Variants in WIPF1 observed in about 807,000 individuals in gnomAD.
WIPF1 encodes WAS/WASL interacting protein family member 1.
A neutral mutation model predicts 35.4 loss-of-function variants in WIPF1; 13 were observed. That is an observed-to-expected ratio of 0.37 (90% CI 0.24 to 0.58). The LOEUF (loss-of-function observed/expected upper bound fraction) is 0.58. Ranked by LOEUF, WIPF1 falls within the 20% of genes least tolerant of loss-of-function variation. The pLI is 0.74. For missense variants in WIPF1, 591 were observed against 667.0 expected (o/e 0.89, Z 1.25); for synonymous variants, 267 against 266.3 (o/e 1.00, Z -0.02).
At chr2:174,607,482 C>T (rs1686207268) in intron 1 of WIPF1, among the ~76,000 whole-genome samples, 1 of 152,166 alleles carries the variant, frequency 6.6e-6, no homozygotes, top group Admixed American at 6.5e-5. Context: ...AAATGAACTT[C>T]AAGGGACACA....
chr2:174,677,101 C>T (rs891261124), intron 1 of WIPF1: 3 of 151,802 alleles, frequency 2.0e-5, no homozygotes, highest in African/African-American at 7.3e-5. Context: ...CTGCAGCGAA[C>T]TGATGGCACC....
At chr2:174,610,214 T>A (rs1451676277) in intron 1 of WIPF1, among the ~76,000 whole-genome samples, 2 of 152,204 alleles carry the variant, frequency 1.3e-5, no homozygotes, top group African/African-American at 4.8e-5. Context: ...TAACTCCAAA[T>A]ACGTATGCAG....
intron 1 of WIPF1, among the ~76,000 whole-genome samples, chr2:174,626,826 C>T (rs1483378166): frequency 6.6e-6 from 1 of 152,206 alleles, no homozygotes; most frequent in African/African-American, 2.4e-5. Context: ...TTCTCTTCCA[C>T]TCTTGTGCTC....
At chr2:174,575,559 G>T in intron 3 of WIPF1, 179 bp from the exon 4 acceptor site, 1 of 1,080,218 alleles carries the variant, frequency 9.3e-7, no homozygotes, top group Non-Finnish European at 1.3e-6. Context: ...CCCGCTCCAG[G>T]CAGTCCCAAG....
chr2:174,575,787 A>G (rs1194785906), intron 3 of WIPF1, among the ~76,000 whole-genome samples: 1 of 151,664 alleles, frequency 6.6e-6, no homozygotes, highest in Non-Finnish European at 1.5e-5. Flanking sequence ...GACTGCAGGG[A>G]GCCAAGACTG....
intron 1 of WIPF1, among the ~76,000 whole-genome samples, chr2:174,637,885 T>C (rs917511907): frequency 6.6e-6 from 1 of 152,262 alleles, no homozygotes; most frequent in African/African-American, 2.4e-5. Context: ...GTACTGTTTT[T>C]TCCCCTACAT....
intron 1 of WIPF1, among the ~76,000 whole-genome samples, chr2:174,593,170 C>T (rs1040517111): frequency 1.3e-4 from 19 of 151,796 alleles, no homozygotes; most frequent in African/African-American, 4.6e-4. Context: ...CCAGAGGTAA[C>T]TCTTTGTTAT....
At chr2:174,628,330 A>G (rs575437834) in intron 1 of WIPF1, among the ~76,000 whole-genome samples, 1 of 152,244 alleles carries the variant, frequency 6.6e-6, no homozygotes, top group Admixed American at 6.5e-5. Context: ...GAGCCCTGAT[A>G]ATGCATCACA....
chr2:174,649,653 C>G (rs1687490964), intron 1 of WIPF1, among the ~76,000 whole-genome samples: 1 of 152,128 alleles, frequency 6.6e-6, no homozygotes, highest in African/African-American at 2.4e-5. Flanking sequence ...GGTGTCTTTC[C>G]CATGTGGCCC....
intron 1 of WIPF1, among the ~76,000 whole-genome samples, chr2:174,658,278 T>C (rs1687688716): frequency 6.6e-6 from 1 of 152,190 alleles, no homozygotes; most frequent in Non-Finnish European, 1.5e-5. Flanking sequence ...AGACCTATGC[T>C]TTGTCTGTAG....
At chr2:174,670,787 C>T (rs983336715) in intron 1 of WIPF1, among the ~76,000 whole-genome samples, 19 of 152,188 alleles carry the variant, frequency 1.2e-4, no homozygotes, top group African/African-American at 3.9e-4. Flanking sequence ...GGCAATGCCC[C>T]GCATTAAGTA....
chr2:174,572,375 G>T lies in WIPF1; in HGVS notation c.430C>A (p.Pro144Thr), dbSNP rs144275492. Reference sequence around the variant, plus strand: ...ACAGGAAACCTCCCTGGGCCACTTGGGGGTGAAAAGGGTTTCGCAGATGTG... The same window carrying T: ...ACAGGAAACCTCCCTGGGCCACTTGTGGGTGAAAAGGGTTTCGCAGATGTG... The part of the protein sequence containing the change: ...RSTSAKPFSP[P>T]SGPGRFPVPS... The change falls in exon 5 of 8, where the codon CCA (proline) becomes ACA (threonine). Residue 144 changes from proline to threonine, a missense_variant. By Grantham distance (38) the Pro-to-Thr change is conservative. Transcript: ENST00000679041. 17 of 1,614,042 alleles carry T rather than the reference G, an allele frequency of 1.1e-5. No homozygotes were observed. The highest frequency in any genetic ancestry group is 3.3e-5 in the Admixed American group (2 of 60,000).
At chr2:174,624,273 A>G (rs1304109462) in intron 1 of WIPF1, among the ~76,000 whole-genome samples, 1 of 152,234 alleles carries the variant, frequency 6.6e-6, no homozygotes, top group African/African-American at 2.4e-5. Context: ...GCAGAAAGTG[A>G]GTGGAGGAGA....
At chr2:174,566,716 C>T in intron 7 of WIPF1, 1 of 186,702 alleles carries the variant, frequency 5.4e-6, no homozygotes, top group South Asian at 1.5e-4. Flanking sequence ...TATAATTAAT[C>T]AGACATTATG....
At chr2:174,673,056 T>G (rs1688054103) in intron 1 of WIPF1, among the ~76,000 whole-genome samples, 1 of 152,256 alleles carries the variant, frequency 6.6e-6, no homozygotes, top group East Asian at 1.9e-4. Flanking sequence ...CATCAGCATA[T>G]GGGGGCCTCA....
chr2:174,580,792 T>C (rs1456490663), intron 3 of WIPF1, among the ~76,000 whole-genome samples: 2 of 152,254 alleles, frequency 1.3e-5, no homozygotes, highest in African/African-American at 4.8e-5. Context: ...AATTGTATCT[T>C]ACACTTGAAT....
Position 174,561,791 on chromosome 2 carries a change from C to A in WIPF1, c.*756G>T. ...TGCTGTCTAATCCAGTAGCCACCAG[C>A]CACATGTGGCTACTGAGCACTTAAA... On this transcript the variant is annotated 3_prime_UTR_variant, in exon 8 of 8. Transcript: ENST00000679041. 6.5e-6 allele frequency: 2 copies of A among 307,460 alleles called. No homozygotes were observed. The highest frequency in any genetic ancestry group is 1.2e-5 in the Non-Finnish European group (2 of 163,374). The allele number at this position is 307,460 out of a possible 1,614,324, so 19.0% of individuals were successfully genotyped here. A position where few individuals can be genotyped will look rare whatever the true frequency, so the allele number is the denominator to read the frequency against.
chr2:174,629,180 A>G (rs1484358974), intron 1 of WIPF1, among the ~76,000 whole-genome samples: 1 of 152,192 alleles, frequency 6.6e-6, no homozygotes, highest in Non-Finnish European at 1.5e-5. Flanking sequence ...ACCTGTGAAT[A>G]GCAACTGCAC....
chr2:174,589,752 A>AG (rs1559153754), intron 1 of WIPF1, among the ~76,000 whole-genome samples: 1 of 152,266 alleles, frequency 6.6e-6, no homozygotes, highest in East Asian at 1.9e-4. Context: ...TTCACGTGAT[A>AG]TTTCACATCA....
Sources: gnomAD v4.1 joint callset for allele counts (sites outside exome capture counted in the v4.1 genomes callset) on GRCh38, gnomAD v4.1.1 for gene constraint, MANE v1.5 for transcripts, NCBI Gene and HGNC (gene_info 2026-07-23, HGNC 2026-07-21) for gene names.